The following RBKS variants were observed in gnomAD, a reference collection of about 807,000 sequenced individuals.
RBKS encodes ribokinase.
In RBKS, 33 loss-of-function variants were observed where a neutral mutation model predicts 33.9. That is an observed-to-expected ratio of 0.97 (90% confidence interval 0.74 to 1.30). The LOEUF (loss-of-function observed/expected upper bound fraction) is 1.30. Among genes scored for constraint, RBKS ranks in the 50% most tolerant of loss-of-function variants. RBKS has a pLI of 0.00. For synonymous variants in RBKS, 125 were observed against 143.0 expected, an observed-to-expected ratio of 0.87 and a Z score of 0.90; for missense variants, 361 against 392.6, an observed-to-expected ratio of 0.92 and a Z score of 0.68.
intron 1 of RBKS, among the ~76,000 whole-genome samples, chr2:27,887,361 G>T (rs1664555702): frequency 6.6e-6 from 1 of 152,184 alleles, no homozygotes; most frequent in African/African-American, 2.4e-5. Context: ...TTTTAGCCCA[G>T]TGAGACCTGT....
At chr2:27,868,342 TATC>T (rs1356749810) in intron 1 of RBKS, among the ~76,000 whole-genome samples, 2 of 152,196 alleles carry the variant, frequency 1.3e-5, no homozygotes, top group Admixed American at 1.3e-4. Flanking sequence ...GGGTAGGCAT[TATC>T]ATCATCTGTT....
chr2:27,854,352 C>T (rs926699368), intron 2 of RBKS, among the ~76,000 whole-genome samples: 1 of 152,160 alleles, frequency 6.6e-6, no homozygotes, highest in Non-Finnish European at 1.5e-5. Flanking sequence ...GGACTTTGAA[C>T]AGCACCACCT....
chr2:27,830,321 C>T (rs1322371326), intron 6 of RBKS, among the ~76,000 whole-genome samples: 2 of 151,964 alleles, frequency 1.3e-5, no homozygotes, highest in African/African-American at 2.4e-5. Context: ...GTGCAGCCGC[C>T]TGATCTTGGC....
At chr2:27,881,393 TAGCC>T (rs1664413773) in intron 1 of RBKS, among the ~76,000 whole-genome samples, 3 of 151,634 alleles carry the variant, frequency 2.0e-5, no homozygotes, top group South Asian at 2.1e-4. Context: ...ATACAAAAAT[TAGCC>T]AGCCGTAGTG....
chr2:27,888,054 G>T (rs1664576569), intron 1 of RBKS, among the ~76,000 whole-genome samples: 1 of 152,030 alleles, frequency 6.6e-6, no homozygotes, highest in African/African-American at 2.4e-5. Flanking sequence ...TCTCAGTTTG[G>T]TAACAAGGAA....
At chr2:27,884,493 G>A (rs998432355) in intron 1 of RBKS, among the ~76,000 whole-genome samples, 2 of 151,682 alleles carry the variant, frequency 1.3e-5, no homozygotes, top group Admixed American at 6.6e-5. Flanking sequence ...CGATCCACCC[G>A]CTTGGCTTCC....
chr2:27,819,992 A>T (rs1678166736), intron 7 of RBKS, among the ~76,000 whole-genome samples: 1 of 152,202 alleles, frequency 6.6e-6, no homozygotes, highest in African/African-American at 2.4e-5. Context: ...CCATCCATTC[A>T]GAGTTTATCC....
intron 1 of RBKS, among the ~76,000 whole-genome samples, chr2:27,865,087 G>A (rs1388423861): frequency 6.6e-6 from 1 of 152,194 alleles, no homozygotes; most frequent in African/African-American, 2.4e-5. Context: ...TTGGGAGGCT[G>A]AGGTGGGCAG....
chr2:27,836,402 T>C (rs1216611533), intron 5 of RBKS, among the ~76,000 whole-genome samples: 1 of 152,038 alleles, frequency 6.6e-6, no homozygotes, highest in Admixed American at 6.5e-5. Flanking sequence ...GGGAAAAGAC[T>C]CCCTATTCAA....
intron 7 of RBKS, among the ~76,000 whole-genome samples, chr2:27,826,509 AG>A (rs1678316465): frequency 6.6e-6 from 1 of 151,776 alleles, no homozygotes; most frequent in African/African-American, 2.4e-5. Flanking sequence ...CCCAGGTTCA[AG>A]TGATTTTCCT....
chr2:27,889,209 C>T (rs1664641252), intron 1 of RBKS, among the ~76,000 whole-genome samples: 1 of 152,140 alleles, frequency 6.6e-6, no homozygotes, highest in African/African-American at 2.4e-5. Context: ...TACATGAAGA[C>T]CCTAGACCTA....
At chr2:27,867,196 A>G (rs960572510) in intron 1 of RBKS, among the ~76,000 whole-genome samples, 1 of 151,958 alleles carries the variant, frequency 6.6e-6, no homozygotes, top group Non-Finnish European at 1.5e-5. Context: ...TCTTGGTTAT[A>G]GATCACATTT....
intron 7 of RBKS, among the ~76,000 whole-genome samples, chr2:27,827,182 A>G (rs963746081): frequency 1.3e-5 from 2 of 152,260 alleles, no homozygotes; most frequent in African/African-American, 4.8e-5. Context: ...AAGCCCGACA[A>G]GGGCAGAGAC....
chr2:27,842,580 A>G (rs890887670), intron 5 of RBKS, among the ~76,000 whole-genome samples: 4 of 152,162 alleles, frequency 2.6e-5, no homozygotes, highest in African/African-American at 9.7e-5. Context: ...TATGACATGC[A>G]GCTTAACCTC....
intron 7 of RBKS, among the ~76,000 whole-genome samples, chr2:27,820,555 C>T (rs1293708841): frequency 1.4e-5 from 1 of 74,060 alleles, no homozygotes; most frequent in Non-Finnish European, 2.5e-5. Flanking sequence ...ACTATTCTCT[C>T]TCTCTCTCTC....
At chr2:27,878,600 C>T (rs1210293730) in intron 1 of RBKS, among the ~76,000 whole-genome samples, 32 of 152,088 alleles carry the variant, frequency 2.1e-4, no homozygotes, top group East Asian at 1.9e-4. Flanking sequence ...CCTGAGGAAT[C>T]GCCACACTGA....
At chr2:27,798,284 G>C (rs533825586) in intron 7 of RBKS, among the ~76,000 whole-genome samples, 1 of 152,198 alleles carries the variant, frequency 6.6e-6, no homozygotes, top group African/African-American at 2.4e-5. Flanking sequence ...CTTTGGATTT[G>C]TGTATCTAAC....
intron 1 of RBKS, among the ~76,000 whole-genome samples, chr2:27,876,493 T>C (rs943459095): frequency 6.6e-6 from 1 of 152,204 alleles, no homozygotes; most frequent in African/African-American, 2.4e-5. Flanking sequence ...AGATAATCTC[T>C]ATTACTATGT....
intron 5 of RBKS, among the ~76,000 whole-genome samples, chr2:27,836,390 T>C (rs1678519763): frequency 6.6e-6 from 1 of 152,100 alleles, no homozygotes; most frequent in South Asian, 2.1e-4. Context: ...AAACAAGCAA[T>C]GGGGAAAAGA....
Sources: allele counts gnomAD v4.1 joint callset (sites outside exome capture counted in the v4.1 genomes callset), GRCh38; gene constraint gnomAD v4.1.1; transcripts MANE v1.5; gene names NCBI Gene and HGNC (gene_info 2026-07-23, HGNC 2026-07-21).